Variants in C12orf42 observed in about 807,000 individuals in gnomAD.
C12orf42 encodes uncharacterized protein C12orf42.
In C12orf42, 25 loss-of-function variants were observed where a neutral mutation model predicts 21.6. The ratio of observed to expected loss-of-function variants is 1.16; its 90% CI spans 0.84 to 1.62. The LOEUF is 1.62. Among genes scored for constraint, C12orf42 ranks in the 40% most tolerant of loss-of-function variants. The pLI is 0.00. For synonymous variants in C12orf42, 174 were observed against 175.0 expected (o/e 0.99, Z 0.05); for missense variants, 483 against 459.3 (o/e 1.05, Z -0.47).
At chr12:103,048,356 T>G in the C12orf42 span, among the ~76,000 whole-genome samples, 1 of 152,188 alleles carries the variant, frequency 6.6e-6, no homozygotes, top group African/African-American at 2.4e-5. Flanking sequence ...ACATCTGGAT[T>G]ACAAGGTGGT....
intron 5 of C12orf42, among the ~76,000 whole-genome samples, chr12:103,272,523 A>G (rs2136269543): frequency 6.6e-6 from 1 of 152,262 alleles, no homozygotes; most frequent in African/African-American, 2.4e-5. Flanking sequence ...CCTCATGAGA[A>G]ACTGTTTTGA....
At chr12:103,531,928 C>T in the C12orf42 span, among the ~76,000 whole-genome samples, 1 of 152,156 alleles carries the variant, frequency 6.6e-6, no homozygotes, top group Non-Finnish European at 1.5e-5. Flanking sequence ...AGATTATGAT[C>T]TTTGTTGGCT....
At chr12:103,543,781 CTG>C in the C12orf42 span, among the ~76,000 whole-genome samples, 1 of 151,972 alleles carries the variant, frequency 6.6e-6, no homozygotes, top group Non-Finnish European at 1.5e-5. Context: ...ACTAATCAGT[CTG>C]TCTTTCATCT....
chr12:103,387,317 T>G (rs1593750424), intron 3 of C12orf42, among the ~76,000 whole-genome samples: 1 of 152,316 alleles, frequency 6.6e-6, no homozygotes, highest in East Asian at 1.9e-4. Context: ...CCTTCACCTC[T>G]TTGCTAAATA....
chr12:103,088,959 C>T, the C12orf42 span, among the ~76,000 whole-genome samples: 2 of 151,834 alleles, frequency 1.3e-5, no homozygotes, highest in Non-Finnish European at 2.9e-5. Flanking sequence ...AAAAATCAGC[C>T]GGGCGTGGTG....
chr12:103,405,855 T>C (rs188543040), intron 2 of C12orf42, among the ~76,000 whole-genome samples: 1 of 152,190 alleles, frequency 6.6e-6, no homozygotes, highest in Non-Finnish European at 1.5e-5. Context: ...AAGATGATAA[T>C]CATTTTCTAT....
chr12:103,121,757 C>T, the C12orf42 span, among the ~76,000 whole-genome samples: 2 of 152,192 alleles, frequency 1.3e-5, no homozygotes, highest in Admixed American at 1.3e-4. Context: ...TCTATTCAGA[C>T]TAGATGAAAA....
chr12:103,081,591 G>A, the C12orf42 span: 1 of 152,124 alleles, frequency 6.6e-6, no homozygotes, highest in Non-Finnish European at 1.5e-5. Context: ...TTCTGAAAGT[G>A]TTTTATTCTA....
the C12orf42 span, among the ~76,000 whole-genome samples, chr12:103,562,835 C>A: frequency 2.8e-4 from 43 of 152,170 alleles, no homozygotes; most frequent in Non-Finnish European, 5.7e-4. Context: ...CTATGGACAT[C>A]ATCAGTCCCA....
the C12orf42 span, among the ~76,000 whole-genome samples, chr12:103,166,743 C>T: frequency 6.6e-6 from 1 of 152,122 alleles, no homozygotes; most frequent in Non-Finnish European, 1.5e-5. Context: ...TCTTTACATA[C>T]CCATTTGATT....
intron 4 of C12orf42, among the ~76,000 whole-genome samples, chr12:103,283,162 A>G (rs2036236280): frequency 6.6e-6 from 1 of 152,166 alleles, no homozygotes; most frequent in Non-Finnish European, 1.5e-5. Context: ...GGAATTGTAA[A>G]AGCTCCCTAG....
At chr12:103,078,599 T>C in the C12orf42 span, among the ~76,000 whole-genome samples, 4 of 152,226 alleles carry the variant, frequency 2.6e-5, no homozygotes, top group African/African-American at 9.6e-5. Context: ...CTATGCTTCA[T>C]ATAGTGGATC....
the C12orf42 span, among the ~76,000 whole-genome samples, chr12:103,195,307 C>A: frequency 6.6e-6 from 1 of 152,072 alleles, no homozygotes; most frequent in Non-Finnish European, 1.5e-5. Context: ...TGGGTATATA[C>A]CCAGTAATGG....
At chr12:103,468,722 G>T (rs1250890356) in intron 2 of C12orf42, among the ~76,000 whole-genome samples, 1 of 148,544 alleles carries the variant, frequency 6.7e-6, no homozygotes, top group Non-Finnish European at 1.5e-5. Context: ...ACCCTATGGG[G>T]AAAGAAAAAA....
intron 4 of C12orf42, among the ~76,000 whole-genome samples, chr12:103,316,399 C>A (rs1463623902): frequency 6.6e-6 from 1 of 151,868 alleles, no homozygotes; most frequent in Admixed American, 6.6e-5. Context: ...TAGACACACA[C>A]AAAAATGAGA....
At chr12:103,273,867 C>A (rs1414739597) in intron 5 of C12orf42, 1 of 456,308 alleles carries the variant, frequency 2.2e-6, no homozygotes, top group Admixed American at 2.3e-5. Context: ...CAGGTCTCCT[C>A]ATAGTGGCTA....
At chr12:103,393,690 T>G (rs912581751) in intron 3 of C12orf42, among the ~76,000 whole-genome samples, 6 of 152,260 alleles carry the variant, frequency 3.9e-5, no homozygotes, top group African/African-American at 1.4e-4. Flanking sequence ...TTTTGTTCAC[T>G]GCTATATGCC....
chr12:103,177,065 T>C, the C12orf42 span, among the ~76,000 whole-genome samples: 1 of 152,064 alleles, frequency 6.6e-6, no homozygotes, highest in Non-Finnish European at 1.5e-5. Context: ...AATTGCAGAG[T>C]ATTCTTCTGT....
At position 103,256,085 on chromosome 12, in the gene C12orf42, AATATAT is replaced by A. The variant is rs1565998064; in HGVS notation, c.*1366+7235_*1366+7240del. ...AAAAAAAAAAAAAAAAAAAAAAAAA[AATATAT>A]ATATATATATATATATATATACACA... On this transcript the variant is annotated intron_variant and NMD_transcript_variant, in intron 10 of 10. Coordinates refer to the C12orf42 transcript ENST00000547347. 9.2e-4 allele frequency among the ~76,000 whole-genome samples: 54 copies of A among 58,924 alleles called. 2 individuals are homozygous for A. Among genetic ancestry groups the A allele is most frequent in the African/African-American group, 3.7e-3 (42 of 11,242 alleles). The allele number at this position is 58,924 out of a possible 152,430, so 38.7% of individuals were successfully genotyped here.
Sources: gnomAD v4.1 joint callset for allele counts (sites outside exome capture counted in the v4.1 genomes callset) on GRCh38, gnomAD v4.1.1 for gene constraint, MANE v1.5 for transcripts, NCBI Gene and HGNC (gene_info 2026-07-23, HGNC 2026-07-21) for gene names.